CSMD1: variants seen among roughly 807,000 people sequenced by gnomAD.
The protein encoded by CSMD1 is CUB and Sushi multiple domains 1.
CSMD1 carries 213 observed loss-of-function variants against 417.5 expected under a neutral mutation model. That is an observed-to-expected ratio of 0.51 (90% CI 0.46 to 0.57). The LOEUF is 0.57. Among genes scored for constraint, CSMD1 ranks in the 20% least tolerant of loss-of-function variants. The pLI is 0.00. For synonymous variants in CSMD1, 2,862 were observed against 1,736.8 expected (o/e 1.65, Z -16.11); for missense variants, 6,923 against 4,529.7 (o/e 1.53, Z -15.17).
chr8:4,959,700 T>A lies in CSMD1; in HGVS notation c.85+34632A>T, dbSNP rs149137485. Among the ~76,000 whole-genome samples the A allele has an allele frequency of 3.3e-5, 5 of 152,304 alleles. No individual in the cohort carries two copies. In the East Asian group the frequency reaches 5.8e-4, roughly 18 times the overall value. ...ACTTTGATCAAAACCCTCCAATAGTTCTCTCAGTTCACGGAATGTCAAAAT... is the reference window on the plus strand; with the variant it reads ...ACTTTGATCAAAACCCTCCAATAGTACTCTCAGTTCACGGAATGTCAAAAT... On this transcript the variant is annotated intron_variant, in intron 1 of 69. Coordinates refer to ENST00000635120, the MANE Select transcript of CSMD1 (RefSeq NM_033225.6).
At chr8:4,856,726 T>C (rs1801822412) in intron 1 of CSMD1, among the ~76,000 whole-genome samples, 1 of 149,464 alleles carries the variant, frequency 6.7e-6, no homozygotes, top group Non-Finnish European at 1.5e-5. Flanking sequence ...CTATCCTAAA[T>C]ATATATGCAC....
chr8:3,654,076 C>G (rs58587540), intron 7 of CSMD1, among the ~76,000 whole-genome samples: 1 of 152,128 alleles, frequency 6.6e-6, no homozygotes, highest in Non-Finnish European at 1.5e-5. Flanking sequence ...ACTGTAATAA[C>G]GTCTCTTTTC....
Position 4,078,228 on chromosome 8 carries a change from T to A in CSMD1, c.416-46129A>T, listed in dbSNP as rs1799934747. Reference sequence around the variant, plus strand: ...ACATCATTTTTTTCTTTTAATTTTCTTACACATATAAACGTATTACGTAAT... The same window carrying A: ...ACATCATTTTTTTCTTTTAATTTTCATACACATATAAACGTATTACGTAAT... On this transcript the variant is annotated intron_variant, in intron 3 of 69. Transcript: ENST00000635120. Among the ~76,000 whole-genome samples the A allele has an allele frequency of 7.2e-5, 11 of 152,156 alleles. No individual in the cohort carries two copies. The South Asian group carries it at 2.1e-3, about 29-fold the overall frequency.
intron 28 of CSMD1, among the ~76,000 whole-genome samples, chr8:3,222,510 T>A (rs970169966): frequency 6.6e-6 from 1 of 152,104 alleles, no homozygotes; most frequent in East Asian, 1.9e-4. Flanking sequence ...GGAGTCTTGC[T>A]GTGTTGCCCA....
At chr8:4,367,884 A>T (rs1395012423) in intron 3 of CSMD1, among the ~76,000 whole-genome samples, 1 of 152,038 alleles carries the variant, frequency 6.6e-6, no homozygotes, top group East Asian at 1.9e-4. Context: ...AATGCTACTA[A>T]TTTTCGTACA....
chr8:4,667,106 C>T (rs569009398), intron 1 of CSMD1, among the ~76,000 whole-genome samples: 1 of 152,166 alleles, frequency 6.6e-6, no homozygotes, highest in Non-Finnish European at 1.5e-5. Context: ...GGTGAAAAGA[C>T]TATTTTTTCT....
Position 3,308,366 on chromosome 8 carries a change from T to A in CSMD1, c.3769A>T (p.Thr1257Ser), listed in dbSNP as rs950410681. The A allele has an allele frequency of 6.2e-6, 10 of 1,613,622 alleles. No individual in the cohort carries two copies. In the African/African-American group the frequency reaches 1.2e-4, roughly 19 times the overall value. The change falls in exon 24 of 70, where the codon ACC becomes TCC. Residue 1257 changes from threonine to serine, a missense_variant. Transcript: ENST00000635120. ...GYAMHGSNTL[T>S]CLSGDRRVWD... ...ACTCTCCTGTCTCCACTCAAACAGG[T>A]CAGGGTGTTGCTGCCATGCATGGCG...
chr8:3,990,153 A>G (rs1377369132), intron 5 of CSMD1, among the ~76,000 whole-genome samples: 2 of 152,184 alleles, frequency 1.3e-5, no homozygotes, highest in African/African-American at 4.8e-5. Context: ...TTACTTTTTT[A>G]TTGTTTCCAG....
chr8:4,132,309 A>T (rs1445401214), intron 3 of CSMD1, among the ~76,000 whole-genome samples: 1 of 151,492 alleles, frequency 6.6e-6, no homozygotes, highest in African/African-American at 2.4e-5. Flanking sequence ...GTAAACTCAG[A>T]CTGAGCAAGA....
rs1185648109 is a variant in CSMD1, at chr8:4,880,191, G to C, written c.85+114141C>G. Among the ~76,000 whole-genome samples the C allele has an allele frequency of 2.0e-5, 3 of 152,046 alleles. 1 individual carries two copies. The highest frequency in any genetic ancestry group is 7.3e-5 in the African/African-American group (3 of 41,340). The stretch of plus-strand genomic sequence containing the variant: ...GTGGCTGAATTTCTCTTTCAGGAGA[G>C]AGTTAAGGGAAGAACACACTGCTAT... On this transcript the variant is annotated intron_variant, in intron 1 of 69. Coordinates refer to ENST00000635120, the MANE Select transcript of CSMD1 (RefSeq NM_033225.6).
chr8:3,846,898 C>T (rs1475972202), intron 5 of CSMD1, among the ~76,000 whole-genome samples: 1 of 152,186 alleles, frequency 6.6e-6, no homozygotes, highest in East Asian at 1.9e-4. Flanking sequence ...TGGTCTCAAA[C>T]TCCTGACCTT....
chr8:3,521,773 A>C (rs1797518479), intron 10 of CSMD1, among the ~76,000 whole-genome samples: 1 of 152,228 alleles, frequency 6.6e-6, no homozygotes, highest in Non-Finnish European at 1.5e-5. Flanking sequence ...TTCCCAGAAC[A>C]AAATGCATTG....
At chr8:4,728,334 T>A (rs1809610744) in intron 1 of CSMD1, among the ~76,000 whole-genome samples, 1 of 151,744 alleles carries the variant, frequency 6.6e-6, no homozygotes, top group South Asian at 2.1e-4. Flanking sequence ...TTTTTAAAAA[T>A]GCTCATTTGC....
chr8:3,137,243 T>C (rs1165021017), intron 41 of CSMD1, among the ~76,000 whole-genome samples: 2 of 152,244 alleles, frequency 1.3e-5, no homozygotes, highest in African/African-American at 4.8e-5. Flanking sequence ...AGAGTTTTGC[T>C]AGCAATATCC....
chr8:4,075,653 T>A (rs1799782392), intron 3 of CSMD1, among the ~76,000 whole-genome samples: 1 of 152,160 alleles, frequency 6.6e-6, no homozygotes, highest in Non-Finnish European at 1.5e-5. Flanking sequence ...GGGGAAATTG[T>A]CTTGATTTGT....
intron 10 of CSMD1, among the ~76,000 whole-genome samples, chr8:3,505,997 G>A (rs1383784563): frequency 2.6e-5 from 4 of 152,202 alleles, no homozygotes; most frequent in Non-Finnish European, 4.4e-5. Context: ...ATACACGTAT[G>A]TATATTTATT....
rs544601454 is a variant in CSMD1, at chr8:4,677,137, A to C, written c.86-39579T>G. Among the ~76,000 whole-genome samples, 431 of 148,076 alleles carry C rather than the reference A, an allele frequency of 2.9e-3. 2 individuals are homozygous for C. Among genetic ancestry groups the C allele is most frequent in the African/African-American group, 0.01 (413 of 40,818 alleles). ...ACATATATAATATATATGATACATA[A>C]AATAATATATACATTATATCTCTAT... is the stretch of plus-strand genomic sequence containing the variant. On this transcript the variant is annotated intron_variant, in intron 1 of 69. Transcript: ENST00000635120.
At chr8:4,065,301 G>A (rs571134495) in intron 3 of CSMD1, among the ~76,000 whole-genome samples, 1 of 152,132 alleles carries the variant, frequency 6.6e-6, no homozygotes. Flanking sequence ...ATCCCCCTCA[G>A]TAGCACACTG....
intron 41 of CSMD1, among the ~76,000 whole-genome samples, chr8:3,121,637 T>G (rs1019340771): frequency 2.6e-5 from 4 of 152,070 alleles, no homozygotes; most frequent in Non-Finnish European, 5.9e-5. Flanking sequence ...TTACCTACTA[T>G]CTAAAGATGT....
Sources: gnomAD v4.1 joint callset for allele counts (sites outside exome capture counted in the v4.1 genomes callset) on GRCh38, gnomAD v4.1.1 for gene constraint, MANE v1.5 for transcripts, NCBI Gene and HGNC (gene_info 2026-07-23, HGNC 2026-07-21) for gene names.